The following NECAB1 variants were observed in gnomAD, a reference collection of about 807,000 sequenced individuals.
NECAB1 encodes the protein N-terminal EF-hand calcium-binding protein 1.
Under a neutral mutation model 57.5 loss-of-function variants are expected in NECAB1, and 29 were observed. That is an observed-to-expected ratio of 0.50 (90% CI 0.38 to 0.69). The LOEUF is 0.69. Among genes scored for constraint, NECAB1 ranks in the 30% least tolerant of loss-of-function variants. The probability of loss-of-function intolerance (pLI) is 0.00; values close to 1 mark genes in which losing one functional copy is unlikely to be tolerated. For missense variants in NECAB1, 372 were observed against 413.8 expected, an observed-to-expected ratio of 0.90 and a Z score of 0.88; for synonymous variants, 142 against 147.7, an observed-to-expected ratio of 0.96 and a Z score of 0.28.
intron 3 of NECAB1, among the ~76,000 whole-genome samples, chr8:90,846,307 T>C (rs1454835615): frequency 1.3e-5 from 2 of 152,240 alleles, no homozygotes; most frequent in Non-Finnish European, 2.9e-5. Flanking sequence ...TGGTTTAACA[T>C]TGAAATTGCA....
chr8:90,869,106 T>G (rs1604918), intron 3 of NECAB1, among the ~76,000 whole-genome samples: 74,912 of 152,032 alleles, frequency 0.49, 23,193 homozygotes, highest in African/African-American at 0.86. Flanking sequence ...CCTAAGCCTT[T>G]GCAACTTCCA....
rs1811018572 is a variant in NECAB1, at chr8:90,955,673, T to C, written c.*161T>C. On this transcript the variant is annotated 3_prime_UTR_variant, in exon 13 of 13. Coordinates refer to ENST00000417640, the MANE Select transcript of NECAB1 (RefSeq NM_022351.5). ...AAAACTTATTCTATAACTTTATCAA[T>C]TCATGTGAATTTTAGCTCAATTTTC... 1 of 488,604 alleles carries C rather than the reference T, an allele frequency of 2.0e-6. No individual in the cohort carries two copies. The highest frequency in any genetic ancestry group is 3.4e-5 in the East Asian group (1 of 29,332). The allele number at this position is 488,604 out of a possible 1,614,324, so 30.3% of individuals were successfully genotyped here.
chr8:90,833,463 T>C (rs1369876582), intron 3 of NECAB1, among the ~76,000 whole-genome samples: 2 of 152,188 alleles, frequency 1.3e-5, no homozygotes, highest in Non-Finnish European at 2.9e-5. Flanking sequence ...TGTGCAGGTT[T>C]GTTACGTAGG....
At chr8:90,905,346 T>C (rs979694195) in intron 5 of NECAB1, among the ~76,000 whole-genome samples, 10 of 152,170 alleles carry the variant, frequency 6.6e-5, no homozygotes, top group Admixed American at 3.9e-4. Context: ...TGTTGGGCAA[T>C]TGTGACTTAT....
At chr8:90,906,909 A>C (rs954965185) in intron 5 of NECAB1, among the ~76,000 whole-genome samples, 3 of 123,696 alleles carry the variant, frequency 2.4e-5, no homozygotes, top group Non-Finnish European at 4.9e-5. Flanking sequence ...ATATATATAT[A>C]TCTTCTCACT....
chr8:90,801,716 G>C lies in NECAB1; in HGVS notation c.124+1G>C. The stretch of plus-strand genomic sequence containing the variant: ...ATACTGAGGAGAGCAGACAAAAATG[G>C]TAAGACCAAAAATCTACAGTATCTA... On this transcript the variant is annotated splice_donor_variant, in intron 2 of 12. Transcript: ENST00000417640. LOFTEE classifies it high-confidence loss of function. The C allele has an allele frequency of 6.6e-7, 1 of 1,519,858 alleles. No homozygotes were observed. The highest frequency in any genetic ancestry group is 8.9e-7 in the Non-Finnish European group (1 of 1,126,896). The allele number at this position is 1,519,858 out of a possible 1,614,324, so 94.1% of individuals were successfully genotyped here. A position where few individuals can be genotyped will look rare whatever the true frequency, so the allele number is the denominator to read the frequency against.
chr8:90,802,282 T>C (rs1439406948), intron 2 of NECAB1, among the ~76,000 whole-genome samples: 1 of 152,196 alleles, frequency 6.6e-6, no homozygotes, highest in Non-Finnish European at 1.5e-5. Context: ...GAAATGATAA[T>C]CTATAGCAAC....
intron 6 of NECAB1, among the ~76,000 whole-genome samples, chr8:90,917,886 G>T (rs1810002894): frequency 1.1e-5 from 1 of 91,016 alleles, no homozygotes. Context: ...GTGTGTGCGT[G>T]TATATATATG....
In NECAB1 at chr8:90,880,494, G is replaced by C. The variant is rs532639491; in HGVS notation, c.260-539G>C. On this transcript the variant is annotated intron_variant, in intron 4 of 12. Transcript: ENST00000417640. Reference sequence around the variant, plus strand: ...ATTATTTATTCCTAGCAACTGAAAAGAGTGATAGACTTTACTTTTTCTCTG... The same window carrying C: ...ATTATTTATTCCTAGCAACTGAAAACAGTGATAGACTTTACTTTTTCTCTG... Among the ~76,000 whole-genome samples, 16 of 149,564 alleles carry C rather than the reference G, an allele frequency of 1.1e-4. No homozygotes were observed. The South Asian group carries it at 3.4e-3, about 32-fold the overall frequency.
At chr8:90,916,567 C>G (rs930916332) in intron 5 of NECAB1, among the ~76,000 whole-genome samples, 1 of 150,780 alleles carries the variant, frequency 6.6e-6, no homozygotes, top group Non-Finnish European at 1.5e-5. Context: ...ACAAATAAAT[C>G]TTTTCCTTGG....
At chr8:90,894,521 T>C (rs999004432) in intron 5 of NECAB1, among the ~76,000 whole-genome samples, 6 of 152,174 alleles carry the variant, frequency 3.9e-5, no homozygotes, top group African/African-American at 1.2e-4. Flanking sequence ...ATTTCTTTCA[T>C]TGTCAGATGT....
chr8:90,904,653 T>A (rs1457898148), intron 5 of NECAB1, among the ~76,000 whole-genome samples: 1 of 151,930 alleles, frequency 6.6e-6, no homozygotes, highest in Non-Finnish European at 1.5e-5. Flanking sequence ...AATATACCTC[T>A]AAGCAAATTT....
At chr8:90,948,868 C>G (rs950149158) in intron 10 of NECAB1, among the ~76,000 whole-genome samples, 2 of 152,174 alleles carry the variant, frequency 1.3e-5, no homozygotes, top group African/African-American at 4.8e-5. Context: ...GCTCTAGCCA[C>G]GTCACTCTCC....
intron 3 of NECAB1, among the ~76,000 whole-genome samples, chr8:90,852,566 A>T (rs1476520901): frequency 6.6e-6 from 1 of 151,930 alleles, no homozygotes; most frequent in Non-Finnish European, 1.5e-5. Context: ...CTTTTCCTAA[A>T]CCACCCATGG....
chr8:90,907,647 ATTG>A (rs1372729075), intron 5 of NECAB1, among the ~76,000 whole-genome samples: 1 of 152,176 alleles, frequency 6.6e-6, no homozygotes, highest in Admixed American at 6.5e-5. Context: ...AACTGGTGAT[ATTG>A]TTATTTCCTT....
In NECAB1 at chr8:90,855,425, T is replaced by C. The variant is rs556319608; in HGVS notation, c.234-16703T>C. 4.6e-5 allele frequency among the ~76,000 whole-genome samples: 7 copies of C among 152,248 alleles called. No homozygotes were observed. The East Asian group carries it at 1.4e-3, about 29-fold the overall frequency. The stretch of plus-strand genomic sequence containing the variant: ...GTCTTTGGATGTTCAAATGTGCAGA[T>C]AGAGATATGCAAAAAGGCATGAACT... On this transcript the variant is annotated intron_variant, in intron 3 of 12. Transcript: ENST00000417640.
chr8:90,870,657 A>G (rs984751458), intron 3 of NECAB1, among the ~76,000 whole-genome samples: 5 of 152,208 alleles, frequency 3.3e-5, no homozygotes, highest in African/African-American at 1.2e-4. Flanking sequence ...CCTTTTGCCA[A>G]TTCTCTATTT....
intron 5 of NECAB1, among the ~76,000 whole-genome samples, chr8:90,892,142 A>G (rs949748120): frequency 3.3e-5 from 5 of 152,350 alleles, no homozygotes; most frequent in Middle Eastern, 3.4e-3. Flanking sequence ...TGGTTTTCTC[A>G]GGAGCATCAG....
intron 3 of NECAB1, among the ~76,000 whole-genome samples, chr8:90,864,183 C>A (rs2129819615): frequency 1.3e-5 from 2 of 151,606 alleles, no homozygotes; most frequent in South Asian, 4.2e-4. Context: ...TTCTTTACCA[C>A]AGAGAGTCTG....
Sources: gnomAD v4.1 joint callset for allele counts (sites outside exome capture counted in the v4.1 genomes callset) on GRCh38, gnomAD v4.1.1 for gene constraint, MANE v1.5 for transcripts, NCBI Gene and HGNC (gene_info 2026-07-23, HGNC 2026-07-21) for gene names.